Variants in TRIM26 observed in about 807,000 individuals in gnomAD.
TRIM26 encodes tripartite motif-containing protein 26.
In TRIM26, 16 loss-of-function variants were observed where a neutral mutation model predicts 45.5. The observed-to-expected ratio is 0.35, with a 90% CI of 0.24 to 0.53. TRIM26 has a LOEUF of 0.53. Among genes scored for constraint, TRIM26 ranks in the 20% least tolerant of loss-of-function variants. TRIM26 has a pLI of 0.92. For missense variants in TRIM26, 442 were observed against 691.1 expected (o/e 0.64, Z 4.04); for synonymous variants, 273 against 290.4 (o/e 0.94, Z 0.61).
At chr6:30,208,052 G>C (rs867981099) in intron 1 of TRIM26, among the ~76,000 whole-genome samples, 36 of 152,200 alleles carry the variant, frequency 2.4e-4, no homozygotes, top group African/African-American at 7.7e-4. Flanking sequence ...CAAGGAGAGA[G>C]ATTGTGTCTG....
rs1554201636 is a variant in TRIM26 at position 30,193,162 on chromosome 6, GTA to G, written c.766-3129_766-3128del. ...TGTGTGTGTGTGTGTGTGTGTGTGT[GTA>G]TATATATATATATATATATTTTTTT... On this transcript the variant is annotated intron_variant, in intron 6 of 9. Transcript: ENST00000454678. Among the ~76,000 whole-genome samples the G allele has an allele frequency of 3.3e-3, 105 of 32,002 alleles. 1 individual carries two copies. Among genetic ancestry groups the G allele is most frequent in the Non-Finnish European group, 4.3e-3 (90 of 20,740 alleles). 21.0% of individuals were successfully genotyped at this position (32,002 alleles called of 152,430 possible).
chr6:30,208,908 G>C (rs1043841678), intron 1 of TRIM26, among the ~76,000 whole-genome samples: 6,327 of 109,624 alleles, frequency 0.058, 260 homozygotes, highest in African/African-American at 0.14. Context: ...TAGAATATGT[G>C]TGTGTGTGTG....
At position 30,206,413 on chromosome 6, in the gene TRIM26, C is replaced by T. The variant is rs546200114; in HGVS notation, c.-375-1648G>A. The stretch of plus-strand genomic sequence containing the variant: ...CCACAAAAACTACCAGGGCTCTGAA[C>T]GCTAGAAATCCCCACAGGGCTCAAA... On this transcript the variant is annotated intron_variant, in intron 1 of 9. Transcript: ENST00000454678. 8.5e-5 allele frequency among the ~76,000 whole-genome samples: 13 copies of T among 152,322 alleles called. No individual in the cohort carries two copies. The South Asian group carries it at 1.0e-3, about 12-fold the overall frequency.
At position 30,186,172 on chromosome 6, in the gene TRIM26, C is replaced by A. The variant is rs369632473; in HGVS notation, c.1324G>T (p.Ala442Ser). 6.3e-7 allele frequency: 1 copy of A among 1,596,952 alleles called. No individual in the cohort carries two copies. The highest frequency in any genetic ancestry group is 8.5e-7 in the Non-Finnish European group (1 of 1,171,304). The change falls in exon 10 of 10, where the codon GCT (alanine) becomes TCT (serine). Residue 442 changes from alanine (A) to serine (S), a missense_variant. Ala to Ser is a moderately conservative substitution (Grantham distance 99). Coordinates refer to ENST00000454678, the MANE Select transcript of TRIM26 (RefSeq NM_003449.5). This position sits in a 1 kb window ranked among gnomAD's most constrained non-coding sequence, Gnocchi z 7.4. ...CCCTTCCTCTTCACAGAGTCTCTAG[C>A]CACCCCCACCATGCAGCTTTCCAGA... ...EVLESCMVGV[A>S]RDSVKRKGDL...
chr6:30,212,915 CAAAAAAAA>C (rs3059548), intron 1 of TRIM26, among the ~76,000 whole-genome samples: 1 of 130,294 alleles, frequency 7.7e-6, no homozygotes, highest in African/African-American at 2.9e-5. Flanking sequence ...TTACTCCGAA[CAAAAAAAA>C]AAAAAAAAAA....
At chr6:30,193,123 TATATATAC>T (rs1182416012) in intron 6 of TRIM26, among the ~76,000 whole-genome samples, 88 of 79,424 alleles carry the variant, frequency 1.1e-3, no homozygotes, top group African/African-American at 3.3e-3. Flanking sequence ...TATGTGTATA[TATATATAC>T]ATATATGTGT....
At position 30,186,133 on chromosome 6, in the gene TRIM26, G is replaced by C; in HGVS notation, c.1363C>G (p.Arg455Gly). Residue 455 changes from arginine (R) to glycine (G), a missense_variant, in exon 10 of 10, where the codon CGG becomes GGG. Transcript: ENST00000454678. This position sits in a 1 kb window ranked among gnomAD's most constrained non-coding sequence, Gnocchi z 7.4. ...AGCGCCCACACGCCATCCTCTGGCCGCAGGGAGAGGTCTCCCTTCCTCTTC... is the reference window on the plus strand; with the variant it reads ...AGCGCCCACACGCCATCCTCTGGCCCCAGGGAGAGGTCTCCCTTCCTCTTC... ...SVKRKGDLSL[R>G]PEDGVWALRL... 1 of 1,591,370 alleles carries C rather than the reference G, an allele frequency of 6.3e-7. No homozygotes were observed. Among genetic ancestry groups the C allele is most frequent in the Non-Finnish European group, 8.6e-7 (1 of 1,168,484 alleles).
Position 30,190,052 on chromosome 6 carries a change from A to G in TRIM26, c.766-17T>C, listed in dbSNP as rs1436926313. Reference sequence around the variant, plus strand: ...TCTCGTGTCCTAGAAGGGAAAGAAAAAAGCACAAGTATCAATATGAATCAA... The same window carrying G: ...TCTCGTGTCCTAGAAGGGAAAGAAAGAAGCACAAGTATCAATATGAATCAA... On this transcript the variant is annotated splice_polypyrimidine_tract_variant and intron_variant, in intron 6 of 9. Coordinates refer to ENST00000454678, the MANE Select transcript of TRIM26 (RefSeq NM_003449.5). This position sits in a 1 kb window ranked among gnomAD's most constrained non-coding sequence, Gnocchi z 4.3. 8 of 1,612,702 alleles carry G rather than the reference A, an allele frequency of 5.0e-6. No homozygotes were observed. The highest frequency in any genetic ancestry group is 6.8e-6 in the Non-Finnish European group (8 of 1,179,858).
intron 2 of TRIM26, among the ~76,000 whole-genome samples, chr6:30,201,831 G>A (rs1372101190): frequency 6.6e-6 from 1 of 151,086 alleles, no homozygotes; most frequent in Non-Finnish European, 1.5e-5. Flanking sequence ...CTGGGTGACA[G>A]AGTGAGACTC....
rs1169166255 is a variant in TRIM26, at chr6:30,196,924, A to T, written c.535-178T>A. On this transcript the variant is annotated intron_variant, in intron 5 of 9. Transcript: ENST00000454678. This position sits in a 1 kb window ranked among gnomAD's most constrained non-coding sequence, Gnocchi z 4.9. ...GTCCACACTCCGCTTCTCAAAGAAG[A>T]CTCCAGTAATGAATTAGTTCAGTTC... 6.6e-6 allele frequency among the ~76,000 whole-genome samples: 1 copy of T among 151,892 alleles called. No homozygotes were observed. The highest frequency in any genetic ancestry group is 1.5e-5 in the Non-Finnish European group (1 of 67,992).
rs1390500389 is a variant in TRIM26, at chr6:30,199,253, C to T, written c.-150G>A. On this transcript the variant is annotated 5_prime_UTR_variant, in exon 4 of 10. Transcript: ENST00000454678. ...CTCCAGCACTCAGTCAATCGACAGA[C>T]ACCACCAGCTCCTACAAGGTTCACA... The T allele has an allele frequency of 1.6e-6, 1 of 636,784 alleles. No individual in the cohort carries two copies. The highest frequency in any genetic ancestry group is 2.6e-6 in the Non-Finnish European group (1 of 383,490). 39.4% of individuals were successfully genotyped at this position (636,784 alleles called of 1,614,324 possible).
Position 30,188,217 on chromosome 6 carries a change from CAA to C in TRIM26, c.937+948_937+949del, listed in dbSNP as rs9280914. ...CCTGGGCGACAGCGAGACTCCGTCTCAAAAAAAAAAAAAAAAAAAAAAAAAGA... is the reference window on the plus strand; with the variant it reads ...CCTGGGCGACAGCGAGACTCCGTCTCAAAAAAAAAAAAAAAAAAAAAAAGA... On this transcript the variant is annotated intron_variant, in intron 9 of 9. Coordinates refer to ENST00000454678, the MANE Select transcript of TRIM26 (RefSeq NM_003449.5). The C allele has an allele frequency of 9.9e-3, 1,049 of 105,434 alleles. 27 individuals are homozygous for C. The South Asian group carries it at 0.2, about 20-fold the overall frequency. The allele number at this position is 105,434 out of a possible 1,614,324, so 6.5% of individuals were successfully genotyped here.
At position 30,190,132 on chromosome 6, in the gene TRIM26, T is replaced by G; in HGVS notation, c.766-97A>C. On this transcript the variant is annotated intron_variant, in intron 6 of 9. Transcript: ENST00000454678. This position sits in a 1 kb window ranked among gnomAD's most constrained non-coding sequence, Gnocchi z 4.3. ...CTGTAGCAGAGATGGGACATATCAGTGAACAAAACAAATGTGGTCCCTTTT... is the reference window on the plus strand; with the variant it reads ...CTGTAGCAGAGATGGGACATATCAGGGAACAAAACAAATGTGGTCCCTTTT... 1 of 1,351,200 alleles carries G rather than the reference T, an allele frequency of 7.4e-7. No individual in the cohort carries two copies. Among genetic ancestry groups the G allele is most frequent in the Middle Eastern group, 1.8e-4 (1 of 5,564 alleles). 83.7% of individuals were successfully genotyped at this position (1,351,200 alleles called of 1,614,324 possible). A position where few individuals can be genotyped will look rare whatever the true frequency, so the allele number is the denominator to read the frequency against.
chr6:30,211,915 GCC>G (rs1438478042), intron 1 of TRIM26, among the ~76,000 whole-genome samples: 1 of 152,188 alleles, frequency 6.6e-6, no homozygotes, highest in Non-Finnish European at 1.5e-5. Context: ...GTAGATACTT[GCC>G]CTCAAGAAGG....
chr6:30,191,126 G>A (rs1775782359), intron 6 of TRIM26, among the ~76,000 whole-genome samples: 1 of 152,160 alleles, frequency 6.6e-6, no homozygotes, highest in African/African-American at 2.4e-5. Context: ...AGGTATTTTA[G>A]AGACAGATTC....
intron 1 of TRIM26, among the ~76,000 whole-genome samples, chr6:30,206,982 C>G (rs564927297): frequency 1.1e-3 from 172 of 152,340 alleles, no homozygotes; most frequent in African/African-American, 3.7e-3. Context: ...CCACCATACA[C>G]TGCACTTTGG....
chr6:30,196,429 C>G lies in TRIM26; in HGVS notation c.765+87G>C. 1 of 1,339,500 alleles carries G rather than the reference C, an allele frequency of 7.5e-7. No individual in the cohort carries two copies. Among genetic ancestry groups the G allele is most frequent in the South Asian group, 1.3e-5 (1 of 77,026 alleles). 83.0% of individuals were successfully genotyped at this position (1,339,500 alleles called of 1,614,324 possible). A position where few individuals can be genotyped will look rare whatever the true frequency, so the allele number is the denominator to read the frequency against. Reference sequence around the variant, plus strand: ...GTTTCAGATGACAAAACTGAGCCCCCAAGTCTTCTAAGGTCCTGCAAGTGA... The same window carrying G: ...GTTTCAGATGACAAAACTGAGCCCCGAAGTCTTCTAAGGTCCTGCAAGTGA... On this transcript the variant is annotated intron_variant, in intron 6 of 9. Coordinates refer to ENST00000454678, the MANE Select transcript of TRIM26 (RefSeq NM_003449.5). The surrounding 1 kb of genome is among the most constrained non-coding windows in gnomAD (Gnocchi z 4.9).
chr6:30,196,823 C>G lies in TRIM26; in HGVS notation c.535-77G>C. On this transcript the variant is annotated intron_variant, in intron 5 of 9. Coordinates refer to ENST00000454678, the MANE Select transcript of TRIM26 (RefSeq NM_003449.5). The surrounding 1 kb of genome is among the most constrained non-coding windows in gnomAD (Gnocchi z 4.9). Reference sequence around the variant, plus strand: ...GGCCCAGTGCTGGAGGTGTGCAAGGCTGGCTCGTTCACCTCGCTACCCCCG... The same window carrying G: ...GGCCCAGTGCTGGAGGTGTGCAAGGGTGGCTCGTTCACCTCGCTACCCCCG... 6.8e-7 allele frequency: 1 copy of G among 1,463,030 alleles called. No homozygotes were observed. The allele number at this position is 1,463,030 out of a possible 1,614,324, so 90.6% of individuals were successfully genotyped here.
At chr6:30,193,076 ATG>A (rs1346302421) in intron 6 of TRIM26, among the ~76,000 whole-genome samples, 1 of 102,566 alleles carries the variant, frequency 9.7e-6, no homozygotes, top group East Asian at 2.9e-4. Context: ...ATATATATAT[ATG>A]TATATATACA....
Sources: allele counts gnomAD v4.1 joint callset (sites outside exome capture counted in the v4.1 genomes callset), GRCh38; gene constraint gnomAD v4.1.1; non-coding constraint Gnocchi (gnomAD v3.1); transcripts MANE v1.5; gene names NCBI Gene and HGNC (gene_info 2026-07-23, HGNC 2026-07-21).